The following SGCZ variants were observed in gnomAD, a reference collection of about 807,000 sequenced individuals.
The protein encoded by SGCZ is sarcoglycan zeta, also known as zeta-sarcoglycan.
In SGCZ, 40 loss-of-function variants were observed where a neutral mutation model predicts 41.3. The observed-to-expected ratio is 0.97, with a 90% CI of 0.75 to 1.26. SGCZ has a LOEUF of 1.26. SGCZ is among the 50% of genes most tolerant of loss of function. The probability of loss-of-function intolerance (pLI) is 0.00; values close to 1 mark genes in which losing one functional copy is unlikely to be tolerated. For synonymous variants in SGCZ, 206 were observed against 137.5 expected (o/e 1.50, Z -3.49); for missense variants, 552 against 369.8 (o/e 1.49, Z -4.04).
chr8:14,414,161 G>A (rs1057238204), intron 2 of SGCZ, among the ~76,000 whole-genome samples: 1 of 151,838 alleles, frequency 6.6e-6, no homozygotes, highest in African/African-American at 2.4e-5. Context: ...GCAAAAAATA[G>A]CCTAACACAG....
At chr8:14,831,577 T>C (rs1486190779) in intron 1 of SGCZ, among the ~76,000 whole-genome samples, 1 of 151,798 alleles carries the variant, frequency 6.6e-6, no homozygotes, top group Non-Finnish European at 1.5e-5. Flanking sequence ...AAGTTTCTCC[T>C]AAACATGTCT....
Position 15,069,086 on chromosome 8 carries a change from T to C in SGCZ, c.39+168499A>G, listed in dbSNP as rs958301864. Among the ~76,000 whole-genome samples, 11 of 152,258 alleles carry C rather than the reference T, an allele frequency of 7.2e-5. No homozygotes were observed. The East Asian group carries it at 2.1e-3, about 29-fold the overall frequency. ...CAGACGGCACCAATATTCCAGAATGTTCTTTCATTTAATAATCAAAGTCTT... is the reference window on the plus strand; with the variant it reads ...CAGACGGCACCAATATTCCAGAATGCTCTTTCATTTAATAATCAAAGTCTT... On this transcript the variant is annotated intron_variant, in intron 1 of 7. Coordinates refer to ENST00000382080, the MANE Select transcript of SGCZ (RefSeq NM_139167.4).
chr8:14,966,127 CAA>C (rs1198855980), intron 1 of SGCZ, among the ~76,000 whole-genome samples: 1 of 151,212 alleles, frequency 6.6e-6, no homozygotes, highest in Non-Finnish European at 1.5e-5. Context: ...CTTTAGAATA[CAA>C]AATAAATAAA....
At chr8:14,424,575 A>T (rs1799724989) in intron 2 of SGCZ, among the ~76,000 whole-genome samples, 1 of 152,130 alleles carries the variant, frequency 6.6e-6, no homozygotes, top group Non-Finnish European at 1.5e-5. Flanking sequence ...GTTTGGAACT[A>T]CTATATCATC....
intron 3 of SGCZ, among the ~76,000 whole-genome samples, chr8:14,248,778 T>C (rs1248583131): frequency 1.3e-5 from 2 of 152,012 alleles, no homozygotes; most frequent in Non-Finnish European, 2.9e-5. Flanking sequence ...TAAAATCTGC[T>C]TGGATTATGA....
intron 1 of SGCZ, among the ~76,000 whole-genome samples, chr8:14,762,148 AACATTTAT>A (rs1204852488): frequency 1.3e-5 from 2 of 152,188 alleles, no homozygotes; most frequent in East Asian, 3.9e-4. Context: ...AGATTGCATG[AACATTTAT>A]ACATACTGAA....
chr8:14,153,693 G>T (rs1803784048), intron 5 of SGCZ, among the ~76,000 whole-genome samples: 1 of 152,094 alleles, frequency 6.6e-6, no homozygotes, highest in Non-Finnish European at 1.5e-5. Flanking sequence ...AAGGGAAAGA[G>T]GCTAAGGACC....
At position 15,210,184 on chromosome 8, in the gene SGCZ, C is replaced by G. The variant is rs560142504; in HGVS notation, c.39+27401G>C. Among the ~76,000 whole-genome samples the G allele has an allele frequency of 1.4e-4, 21 of 152,260 alleles. No individual in the cohort carries two copies. In the South Asian group the frequency reaches 4.3e-3, roughly 32 times the overall value. On this transcript the variant is annotated intron_variant, in intron 1 of 7. Transcript: ENST00000382080. ...GTAGAAAGAATTAGAATCCTACCAT[C>G]ATCGAGCTGCAGAATTAACTGTGGA... is the stretch of plus-strand genomic sequence containing the variant.
intron 1 of SGCZ, among the ~76,000 whole-genome samples, chr8:14,572,644 C>T (rs1912470): frequency 0.13 from 20,520 of 152,082 alleles, 1,480 homozygotes; most frequent in East Asian, 0.3. Flanking sequence ...AAAGCCATAC[C>T]CTACTCAGTC....
chr8:14,185,377 T>C (rs1804869976), intron 4 of SGCZ, among the ~76,000 whole-genome samples: 2 of 152,110 alleles, frequency 1.3e-5, no homozygotes, highest in Non-Finnish European at 2.9e-5. Context: ...CACTCCAGCC[T>C]GGGCAACAGA....
chr8:14,453,692 T>A (rs1165664014), intron 2 of SGCZ, among the ~76,000 whole-genome samples: 1 of 152,230 alleles, frequency 6.6e-6, no homozygotes, highest in Middle Eastern at 3.2e-3. Context: ...TGCTAATCCC[T>A]ACAGATTTTT....
At chr8:14,822,510 T>G (rs926797191) in intron 1 of SGCZ, among the ~76,000 whole-genome samples, 1 of 152,088 alleles carries the variant, frequency 6.6e-6, no homozygotes, top group Admixed American at 6.5e-5. Context: ...CAAAAGACCC[T>G]AAATAGCCAA....
chr8:14,954,408 G>T (rs1379743342), intron 1 of SGCZ, among the ~76,000 whole-genome samples: 3 of 152,048 alleles, frequency 2.0e-5, no homozygotes, highest in African/African-American at 7.2e-5. Context: ...ATGATTTCCT[G>T]CCACTGGTTT....
intron 1 of SGCZ, among the ~76,000 whole-genome samples, chr8:15,153,560 T>C (rs1341300501): frequency 6.6e-6 from 1 of 152,064 alleles, no homozygotes; most frequent in Non-Finnish European, 1.5e-5. Flanking sequence ...GGTATTTTGA[T>C]CCCGGGGGTA....
Position 14,635,430 on chromosome 8 carries a change from A to G in SGCZ, c.40-80504T>C, listed in dbSNP as rs558284540. 4.1e-4 allele frequency among the ~76,000 whole-genome samples: 62 copies of G among 152,036 alleles called. No homozygotes were observed. In the South Asian group the frequency reaches 0.013, roughly 31 times the overall value. ...AAAATCTCCCTAATTTATTTAATAT[A>G]TTTGTGTATAAAGCCAAGTGTTATG... On this transcript the variant is annotated intron_variant, in intron 1 of 7. Coordinates refer to ENST00000382080, the MANE Select transcript of SGCZ (RefSeq NM_139167.4).
intron 1 of SGCZ, among the ~76,000 whole-genome samples, chr8:14,906,571 G>T (rs770421204): frequency 1.4e-4 from 21 of 152,092 alleles, no homozygotes; most frequent in Admixed American, 1.2e-3. Flanking sequence ...CAGATATTTG[G>T]CTTCTAAGAT....
At chr8:14,426,246 C>T (rs1366898012) in intron 2 of SGCZ, among the ~76,000 whole-genome samples, 1 of 151,956 alleles carries the variant, frequency 6.6e-6, no homozygotes, top group Admixed American at 6.6e-5. Flanking sequence ...ATTTGTGGTA[C>T]ATCAGATGGC....
Position 14,336,336 on chromosome 8 carries a change from G to T in SGCZ, c.235-12132C>A, listed in dbSNP as rs549261487. ...TCTACAAATGATGGGCATTCAGCCT[G>T]CTATTGATGGGCATTTATGTTGATT... On this transcript the variant is annotated intron_variant, in intron 2 of 7. Transcript: ENST00000382080. Among the ~76,000 whole-genome samples, 4 of 152,216 alleles carry T rather than the reference G, an allele frequency of 2.6e-5. No individual in the cohort carries two copies. The South Asian group carries it at 8.3e-4, about 32-fold the overall frequency.
At chr8:14,381,899 T>G (rs992661379) in intron 2 of SGCZ, among the ~76,000 whole-genome samples, 1 of 152,230 alleles carries the variant, frequency 6.6e-6, no homozygotes, top group Admixed American at 6.5e-5. Flanking sequence ...GATGCTTCTA[T>G]TTTTCTGCTA....
Sources: gnomAD v4.1 joint callset for allele counts (sites outside exome capture counted in the v4.1 genomes callset) on GRCh38, gnomAD v4.1.1 for gene constraint, MANE v1.5 for transcripts, NCBI Gene and HGNC (gene_info 2026-07-23, HGNC 2026-07-21) for gene names.